The following CDH6 variants were observed in gnomAD, a reference collection of about 807,000 sequenced individuals.
The protein encoded by CDH6 is cadherin-6.
A neutral mutation model predicts 78.0 loss-of-function variants in CDH6; 31 were observed. That is an observed-to-expected ratio of 0.40 (90% CI 0.30 to 0.54). The LOEUF (loss-of-function observed/expected upper bound fraction) is 0.54. Among genes scored for constraint, CDH6 ranks in the 20% least tolerant of loss-of-function variants. CDH6 has a pLI of 0.56. For missense variants in CDH6, 724 were observed against 975.9 expected, an observed-to-expected ratio of 0.74 and a Z score of 3.44; for synonymous variants, 376 against 368.8, an observed-to-expected ratio of 1.02 and a Z score of -0.23.
At chr5:31,305,652 C>T (rs1261399239) in intron 7 of CDH6, among the ~76,000 whole-genome samples, 1 of 152,078 alleles carries the variant, frequency 6.6e-6, no homozygotes, top group Non-Finnish European at 1.5e-5. Flanking sequence ...GGATTGGTTC[C>T]AGGCCCACCC....
At chr5:31,201,146 T>G (rs1328500550) in intron 1 of CDH6, among the ~76,000 whole-genome samples, 5 of 152,126 alleles carry the variant, frequency 3.3e-5, no homozygotes, top group African/African-American at 1.2e-4. Context: ...ATATTATTAT[T>G]TATAATTATT....
chr5:31,203,188 C>T (rs1275228375), intron 1 of CDH6, among the ~76,000 whole-genome samples: 1 of 148,634 alleles, frequency 6.7e-6, no homozygotes, highest in African/African-American at 2.5e-5. Context: ...GATTTACCTG[C>T]TTTTTTATAA....
At chr5:31,228,014 C>T (rs1169423900) in intron 1 of CDH6, among the ~76,000 whole-genome samples, 1 of 152,196 alleles carries the variant, frequency 6.6e-6, no homozygotes, top group Non-Finnish European at 1.5e-5. Context: ...TGCTTGTGTT[C>T]TTTCTACAGG....
At chr5:31,292,746 A>AATATAT (rs376854148) in intron 2 of CDH6, among the ~76,000 whole-genome samples, 4 of 104,480 alleles carry the variant, frequency 3.8e-5, no homozygotes, top group Non-Finnish European at 7.6e-5. Flanking sequence ...CTGCAGACTG[A>AATATAT]ATATATATAT....
Position 31,264,603 on chromosome 5 carries a change from G to T in CDH6, c.-128-2743G>T, listed in dbSNP as rs563069456. On this transcript the variant is annotated intron_variant, in intron 1 of 11. Transcript: ENST00000265071. ...GTTATATATTCAACAGTTTAAAGGG[G>T]TTTTTTAAAAAAACTATAGAATTTC... is the stretch of plus-strand genomic sequence containing the variant. Among the ~76,000 whole-genome samples, 5 of 152,136 alleles carry T rather than the reference G, an allele frequency of 3.3e-5. No individual in the cohort carries two copies. In the South Asian group the frequency reaches 6.2e-4, roughly 19 times the overall value.
rs1738216293 is a variant in CDH6 at position 31,313,589 on chromosome 5, G to T, written c.1390+135G>T. On this transcript the variant is annotated intron_variant, in intron 8 of 11. Coordinates refer to ENST00000265071, the MANE Select transcript of CDH6 (RefSeq NM_004932.4). ...TATTGAGGGAAAAAGCCCTGGAGTG[G>T]TTTGCAGTAATGTTTCTTCTAGATA... 11 of 773,560 alleles carry T rather than the reference G, an allele frequency of 1.4e-5. No homozygotes were observed. In the East Asian group the frequency reaches 2.9e-4, roughly 20 times the overall value. The allele number at this position is 773,560 out of a possible 1,614,324, so 47.9% of individuals were successfully genotyped here.
At chr5:31,307,346 T>C (rs1738018279) in intron 7 of CDH6, among the ~76,000 whole-genome samples, 2 of 152,244 alleles carry the variant, frequency 1.3e-5, no homozygotes. Flanking sequence ...GTTGAGCCTT[T>C]GTTCAAATGA....
chr5:31,249,146 T>C (rs1741838040), intron 1 of CDH6: 1 of 152,226 alleles, frequency 6.6e-6, no homozygotes, highest in South Asian at 2.1e-4. Context: ...TTTATATATT[T>C]TTTAAATAAA....
intron 1 of CDH6, among the ~76,000 whole-genome samples, chr5:31,262,903 C>A (rs1374125886): frequency 1.3e-5 from 2 of 152,188 alleles, no homozygotes; most frequent in Non-Finnish European, 2.9e-5. Context: ...TGCGCTGCTT[C>A]CGGGCCATTG....
intron 6 of CDH6, among the ~76,000 whole-genome samples, chr5:31,304,968 C>T (rs1400799315): frequency 6.6e-6 from 1 of 152,126 alleles, no homozygotes; most frequent in Non-Finnish European, 1.5e-5. Flanking sequence ...ACTTTATAAT[C>T]GTTTCCTGCC....
At chr5:31,321,614 T>G (rs908030704) in intron 11 of CDH6, among the ~76,000 whole-genome samples, 2 of 152,164 alleles carry the variant, frequency 1.3e-5, no homozygotes, top group Non-Finnish European at 2.9e-5. Context: ...TTATTATTAT[T>G]AATACTAATG....
At chr5:31,221,757 G>C (rs1323844841) in intron 1 of CDH6, among the ~76,000 whole-genome samples, 2 of 152,188 alleles carry the variant, frequency 1.3e-5, no homozygotes, top group Non-Finnish European at 2.9e-5. Flanking sequence ...ACTGGGGAGA[G>C]AGTTGTTTAA....
intron 7 of CDH6, among the ~76,000 whole-genome samples, chr5:31,306,426 C>T (rs1392843539): frequency 6.6e-6 from 1 of 152,116 alleles, no homozygotes; most frequent in Non-Finnish European, 1.5e-5. Context: ...CAGGAAAATG[C>T]TGGAGTCAAC....
At chr5:31,210,874 A>G (rs1164707673) in intron 1 of CDH6, among the ~76,000 whole-genome samples, 1 of 152,202 alleles carries the variant, frequency 6.6e-6, no homozygotes, top group Non-Finnish European at 1.5e-5. Context: ...AGCTGAACGC[A>G]CAGATACAGA....
chr5:31,219,811 T>A (rs1427786527), intron 1 of CDH6, among the ~76,000 whole-genome samples: 3 of 152,188 alleles, frequency 2.0e-5, no homozygotes, highest in Non-Finnish European at 4.4e-5. Context: ...TTAGTTAAAA[T>A]GTTAAAAATT....
rs1324487662 is a variant in CDH6 at position 31,304,703 on chromosome 5, A to T, written c.1000-471A>T. ...CGTCTCAAAAAAAAAAAAAAAAAAA[A>T]AAGCCAGATGTGAGAACATCTGACA... is the stretch of plus-strand genomic sequence containing the variant. On this transcript the variant is annotated intron_variant, in intron 6 of 11. Transcript: ENST00000265071. Among the ~76,000 whole-genome samples, 5 of 151,650 alleles carry T rather than the reference A, an allele frequency of 3.3e-5. No individual in the cohort carries two copies. In the East Asian group the frequency reaches 9.7e-4, roughly 29 times the overall value.
intron 11 of CDH6, chr5:31,318,991 A>T (rs1344178222): frequency 9.5e-6 from 2 of 210,624 alleles, no homozygotes; most frequent in African/African-American, 2.3e-5. Flanking sequence ...GACTTGGGGA[A>T]AGTATTTTAA....
Position 31,325,609 on chromosome 5 carries a change from C to T in CDH6, c.*2301C>T. On this transcript the variant is annotated 3_prime_UTR_variant, in exon 12 of 12. Coordinates refer to ENST00000265071, the MANE Select transcript of CDH6 (RefSeq NM_004932.4). ...TATCATCTGAAGTTGAGGATTGACA[C>T]TAGCAGTTTCCAATGTTTAAAGGTA... 1 of 231,132 alleles carries T rather than the reference C, an allele frequency of 4.3e-6. No homozygotes were observed. Among genetic ancestry groups the T allele is most frequent in the South Asian group, 1.8e-4 (1 of 5,514 alleles). The allele number at this position is 231,132 out of a possible 1,614,324, so 14.3% of individuals were successfully genotyped here.
intron 2 of CDH6, among the ~76,000 whole-genome samples, chr5:31,280,076 AATG>A (rs1314838437): frequency 2.0e-5 from 3 of 152,190 alleles, no homozygotes; most frequent in Non-Finnish European, 4.4e-5. Flanking sequence ...TGAGTTTTAA[AATG>A]ATAACGTGGC....
Sources: allele counts gnomAD v4.1 joint callset (sites outside exome capture counted in the v4.1 genomes callset), GRCh38; gene constraint gnomAD v4.1.1; transcripts MANE v1.5; gene names NCBI Gene and HGNC (gene_info 2026-07-23, HGNC 2026-07-21).